The following SLC1A2 variants were observed in gnomAD, a reference collection of about 807,000 sequenced individuals.
The protein encoded by SLC1A2 is solute carrier family 1 member 2.
A neutral mutation model predicts 48.8 loss-of-function variants in SLC1A2; 15 were observed. That is an observed-to-expected ratio of 0.31 (90% CI 0.21 to 0.47). The LOEUF is 0.47. SLC1A2 is among the 20% of genes least tolerant of loss of function. SLC1A2 has a pLI of 0.99. For synonymous variants in SLC1A2, 279 were observed against 272.6 expected, an observed-to-expected ratio of 1.02 and a Z score of -0.23; for missense variants, 502 against 730.5, an observed-to-expected ratio of 0.69 and a Z score of 3.61.
chr11:35,312,080 G>C (rs2134869297), intron 4 of SLC1A2, 118 bp downstream of exon 4: 1 of 1,029,696 alleles, frequency 9.7e-7, no homozygotes, highest in Non-Finnish European at 1.4e-6. Context: ...GGCCTAGACA[G>C]AGATAATTAT....
chr11:35,302,354 T>C (rs1229816077), intron 5 of SLC1A2, among the ~76,000 whole-genome samples: 1 of 152,188 alleles, frequency 6.6e-6, no homozygotes, highest in African/African-American at 2.4e-5. Flanking sequence ...ATTTTATTTA[T>C]TTTTTCAGGA....
At chr11:35,412,601 C>T (rs539702801) in intron 1 of SLC1A2, among the ~76,000 whole-genome samples, 4 of 152,332 alleles carry the variant, frequency 2.6e-5, no homozygotes, top group Non-Finnish European at 5.9e-5. Context: ...GCATCCTTAG[C>T]TCATCACTGT....
chr11:35,269,011 A>G (rs1850188401), intron 9 of SLC1A2, among the ~76,000 whole-genome samples: 1 of 152,210 alleles, frequency 6.6e-6, no homozygotes. Flanking sequence ...CAAAATTCAT[A>G]TGACGAAACC....
At chr11:35,415,248 C>T (rs966999167) in intron 1 of SLC1A2, among the ~76,000 whole-genome samples, 2 of 152,176 alleles carry the variant, frequency 1.3e-5, no homozygotes, top group Non-Finnish European at 2.9e-5. Context: ...AAAGAAGTGG[C>T]CATTGATACT....
At position 35,257,027 on chromosome 11, in the gene SLC1A2, C is replaced by T. The variant is rs996145517; in HGVS notation, c.*3867G>A. 3.3e-5 allele frequency: 5 copies of T among 152,132 alleles called. No individual in the cohort carries two copies. Among genetic ancestry groups the T allele is most frequent in the Non-Finnish European group, 7.4e-5 (5 of 68,012 alleles). 9.4% of individuals were successfully genotyped at this position (152,132 alleles called of 1,614,324 possible). A position where few individuals can be genotyped will look rare whatever the true frequency, so the allele number is the denominator to read the frequency against. ...AAAAAAAACTATAACATCACTTTTGCTATTGAGAGCAAAGGGACGTGTAGT... is the reference window on the plus strand; with the variant it reads ...AAAAAAAACTATAACATCACTTTTGTTATTGAGAGCAAAGGGACGTGTAGT... On this transcript the variant is annotated 3_prime_UTR_variant, in exon 11 of 11. Transcript: ENST00000278379.
chr11:35,388,241 T>C (rs1048073858), intron 1 of SLC1A2, among the ~76,000 whole-genome samples: 13 of 152,380 alleles, frequency 8.5e-5, no homozygotes, highest in East Asian at 5.8e-4. Context: ...CGATGAGTCA[T>C]AGATTTATTT....
intron 1 of SLC1A2, among the ~76,000 whole-genome samples, chr11:35,345,989 A>T (rs528817823): frequency 5.1e-4 from 77 of 152,360 alleles, no homozygotes; most frequent in Non-Finnish European, 1.0e-3. Flanking sequence ...AGAGAAATTA[A>T]GTAACTTGCT....
At chr11:35,263,968 T>C (rs1419985724) in intron 10 of SLC1A2, 1 of 152,236 alleles carries the variant, frequency 6.6e-6, no homozygotes, top group Non-Finnish European at 1.5e-5. Context: ...CCTTGTTGAT[T>C]CAAACTAACA....
chr11:35,379,790 T>G (rs1159386423), intron 1 of SLC1A2, among the ~76,000 whole-genome samples: 1 of 152,230 alleles, frequency 6.6e-6, no homozygotes, highest in African/African-American at 2.4e-5. Flanking sequence ...AATTGAAAGC[T>G]TGATCTGAGA....
chr11:35,321,586 A>G (rs1477402657), intron 1 of SLC1A2, among the ~76,000 whole-genome samples: 1 of 152,074 alleles, frequency 6.6e-6, no homozygotes, highest in Non-Finnish European at 1.5e-5. Flanking sequence ...ATATGTAATA[A>G]GTCATGCTGG....
rs760744431 is a variant in SLC1A2, at chr11:35,280,826, G to T, written c.1421+41C>A. On this transcript the variant is annotated intron_variant, in intron 9 of 10. Coordinates refer to ENST00000278379, the MANE Select transcript of SLC1A2 (RefSeq NM_004171.4). The stretch of plus-strand genomic sequence containing the variant: ...GCCACCTGTGCATCCCTAGGAGGCA[G>T]TACTCACAGTCCCAGCAGAACCCCA... 6 of 1,458,166 alleles carry T rather than the reference G, an allele frequency of 4.1e-6. No homozygotes were observed. In the Admixed American group the frequency reaches 1.2e-4, roughly 28 times the overall value. 90.3% of individuals were successfully genotyped at this position (1,458,166 alleles called of 1,614,324 possible).
chr11:35,374,652 A>G (rs1031782201), intron 1 of SLC1A2, among the ~76,000 whole-genome samples: 1 of 152,236 alleles, frequency 6.6e-6, no homozygotes, highest in African/African-American at 2.4e-5. Context: ...CTCTCATTCA[A>G]AGGGTTGGTT....
intron 1 of SLC1A2, among the ~76,000 whole-genome samples, chr11:35,415,465 T>C (rs1376414444): frequency 9.9e-5 from 15 of 152,176 alleles, no homozygotes; most frequent in Admixed American, 9.8e-4. Flanking sequence ...AAATGAGAAA[T>C]GAAAATTCCA....
rs114983290 is a variant in SLC1A2, at chr11:35,373,333, T to A, written c.17+45617A>T. Among the ~76,000 whole-genome samples, 758 of 152,322 alleles carry A rather than the reference T, an allele frequency of 5.0e-3. 7 individuals are homozygous for A. Among genetic ancestry groups the A allele is most frequent in the African/African-American group, 0.018 (728 of 41,574 alleles). On this transcript the variant is annotated intron_variant, in intron 1 of 10. Coordinates refer to ENST00000278379, the MANE Select transcript of SLC1A2 (RefSeq NM_004171.4). ...CTCAAGACCCATGACCAAGTGCTGCTGTTTCCATAGCCAGGTTGGGCCCCC... is the reference window on the plus strand; with the variant it reads ...CTCAAGACCCATGACCAAGTGCTGCAGTTTCCATAGCCAGGTTGGGCCCCC...
intron 1 of SLC1A2, among the ~76,000 whole-genome samples, chr11:35,356,516 T>G (rs1043755151): frequency 1.5e-4 from 23 of 152,208 alleles, no homozygotes; most frequent in Non-Finnish European, 2.9e-4. Flanking sequence ...TTGGTTGCAA[T>G]GTGGGCAAAA....
intron 1 of SLC1A2, chr11:35,418,518 C>T (rs1421204710): frequency 5.8e-6 from 1 of 173,740 alleles, no homozygotes; most frequent in African/African-American, 2.4e-5. Context: ...CTTGCCCCGC[C>T]CCAGGGCCCT....
intron 1 of SLC1A2, among the ~76,000 whole-genome samples, chr11:35,410,950 C>A (rs1314486334): frequency 1.3e-5 from 2 of 152,114 alleles, no homozygotes; most frequent in Non-Finnish European, 2.9e-5. Context: ...TGGGACCAAC[C>A]AATGACACCT....
At chr11:35,382,831 A>G (rs1854474270) in intron 1 of SLC1A2, among the ~76,000 whole-genome samples, 1 of 152,138 alleles carries the variant, frequency 6.6e-6, no homozygotes, top group African/African-American at 2.4e-5. Flanking sequence ...GGGTAGGTGA[A>G]TGATCTAGAT....
intron 2 of SLC1A2, 166 bp downstream of exon 2, chr11:35,317,211 G>A (rs1851909124): frequency 4.8e-6 from 3 of 627,424 alleles, no homozygotes; most frequent in Non-Finnish European, 8.2e-6. Context: ...GGCTAGAGGA[G>A]GTAAGGAGGA....
Sources: allele counts gnomAD v4.1 joint callset (sites outside exome capture counted in the v4.1 genomes callset), GRCh38; gene constraint gnomAD v4.1.1; transcripts MANE v1.5; gene names NCBI Gene and HGNC (gene_info 2026-07-23, HGNC 2026-07-21).